The following WDR89 variants were observed in gnomAD, a reference collection of about 807,000 sequenced individuals.
WDR89 encodes the protein WD repeat-containing protein 89.
WDR89 carries 17 observed loss-of-function variants against 29.1 expected under a neutral mutation model. The observed-to-expected ratio is 0.58, with a 90% confidence interval of 0.40 to 0.88. WDR89 has a LOEUF of 0.88. Ranked by LOEUF, WDR89 falls within the 40% of genes least tolerant of loss-of-function variation. The pLI is 0.00. For synonymous variants in WDR89, 138 were observed against 157.8 expected (o/e 0.87, Z 0.94); for missense variants, 396 against 456.3 (o/e 0.87, Z 1.20).
intron 1 of WDR89, among the ~76,000 whole-genome samples, chr14:63,635,975 G>A (rs1883708054): frequency 6.6e-6 from 1 of 152,178 alleles, no homozygotes; most frequent in Non-Finnish European, 1.5e-5. Context: ...GGAAGGCCGG[G>A]GCAGGTGGAT....
intron 1 of WDR89, among the ~76,000 whole-genome samples, chr14:63,625,312 A>T (rs942904358): frequency 1.3e-5 from 2 of 152,196 alleles, no homozygotes; most frequent in East Asian, 3.8e-4. Context: ...TTGATTATTA[A>T]GGGGCACAAG....
At chr14:63,616,545 T>C (rs954011651) in intron 2 of WDR89, among the ~76,000 whole-genome samples, 3 of 152,106 alleles carry the variant, frequency 2.0e-5, no homozygotes, top group South Asian at 2.1e-4. Flanking sequence ...GAGGTGACAT[T>C]TGAGCTGAGA....
intron 1 of WDR89, chr14:63,630,537 G>A (rs1159636740): frequency 6.6e-6 from 1 of 151,906 alleles, no homozygotes; most frequent in Non-Finnish European, 1.5e-5. Flanking sequence ...CAACTACTCG[G>A]GACGCTGAGG....
At position 63,598,833 on chromosome 14, in the gene WDR89, GTGCACAGAGGA is replaced by G; in HGVS notation, c.1099_1109del (p.Ser367ProfsTer7). The G allele has an allele frequency of 6.2e-7, 1 of 1,613,274 alleles. No homozygotes were observed. Among genetic ancestry groups the G allele is most frequent in the Non-Finnish European group, 8.5e-7 (1 of 1,179,710 alleles). On this transcript the variant is annotated frameshift_variant, in exon 3 of 3. Coordinates refer to ENST00000620954, the MANE Select transcript of WDR89 (RefSeq NM_080666.4). LOFTEE classifies it high-confidence loss of function. ...CATTACTATGAACTCGTACTCGTTG[GTGCACAGAGGA>G]TGCTATTTTCATACTCTCTTTCTTT...
intron 1 of WDR89, among the ~76,000 whole-genome samples, chr14:63,634,190 C>T (rs963823493): frequency 1.3e-5 from 2 of 152,090 alleles, no homozygotes; most frequent in Non-Finnish European, 2.9e-5. Flanking sequence ...AGTTCGAGAC[C>T]AGCTTGGCCA....
rs58161137 is a variant in WDR89 at position 63,602,462 on chromosome 14, CAAAA to C, written c.-31-2493_-31-2490del. Among the ~76,000 whole-genome samples the C allele has an allele frequency of 3.1e-3, 111 of 35,624 alleles. 1 individual carries two copies. The East Asian group carries it at 0.062, about 20-fold the overall frequency. The allele number at this position is 35,624 out of a possible 152,430, so 23.4% of individuals were successfully genotyped here. A position where few individuals can be genotyped will look rare whatever the true frequency, so the allele number is the denominator to read the frequency against. ...TGAACAACAGAGTGAGATTCCTACTCAAAAAAAAAAAAAAAAAAAAAAAAAGATG... is the reference window on the plus strand; with the variant it reads ...TGAACAACAGAGTGAGATTCCTACTCAAAAAAAAAAAAAAAAAAAAAGATG... On this transcript the variant is annotated intron_variant, in intron 2 of 2. Coordinates refer to ENST00000620954, the MANE Select transcript of WDR89 (RefSeq NM_080666.4).
Position 63,599,434 on chromosome 14 carries a change from C to A in WDR89, c.509G>T (p.Ser170Ile), listed in dbSNP as rs768735877. The change falls in exon 3 of 3, where the codon AGT becomes ATT. Residue 170 changes from serine (S) to isoleucine (I), a missense_variant. Coordinates refer to ENST00000620954, the MANE Select transcript of WDR89 (RefSeq NM_080666.4). The stretch of plus-strand genomic sequence containing the variant: ...GAAACGTACTTGAGTGACATCATCA[C>A]TATGTGTCTCTGAATATGCACCAAG... Reference protein sequence around the residue: ...DSLGAYSETHSDDVTQVRFHP... With the variant: ...DSLGAYSETHIDDVTQVRFHP... 57 of 1,614,058 alleles carry A rather than the reference C, an allele frequency of 3.5e-5. No individual in the cohort carries two copies. The highest frequency in any genetic ancestry group is 4.7e-5 in the Non-Finnish European group (55 of 1,180,028).
chr14:63,622,766 C>T (rs1004630964), intron 2 of WDR89, among the ~76,000 whole-genome samples: 1 of 152,010 alleles, frequency 6.6e-6, no homozygotes, highest in African/African-American at 2.4e-5. Context: ...GACTCCATCT[C>T]TAAATAAATA....
chr14:63,633,513 C>T (rs1045191028), intron 1 of WDR89, among the ~76,000 whole-genome samples: 1 of 152,122 alleles, frequency 6.6e-6, no homozygotes, highest in Non-Finnish European at 1.5e-5. Flanking sequence ...CAGCTACAGA[C>T]TTTGTTTTGC....
chr14:63,605,282 A>G (rs752328440), intron 2 of WDR89, among the ~76,000 whole-genome samples: 1 of 151,730 alleles, frequency 6.6e-6, no homozygotes, highest in Non-Finnish European at 1.5e-5. Context: ...TGGTCCCTGC[A>G]AATTCATGGC....
At position 63,599,676 on chromosome 14, in the gene WDR89, A is replaced by AT. The variant is rs1322810511; in HGVS notation, c.266_267insA (p.Cys89Ter). 1 of 1,602,684 alleles carries AT rather than the reference A, an allele frequency of 6.2e-7. No homozygotes were observed. Among genetic ancestry groups the AT allele is most frequent in the Non-Finnish European group, 8.5e-7 (1 of 1,175,320 alleles). The change falls in exon 3 of 3, where the codon TGT becomes TGAT. Residue 89 changes from cysteine (C) to a stop codon, truncating the protein, a stop_gained and frameshift_variant. Coordinates refer to ENST00000620954, the MANE Select transcript of WDR89 (RefSeq NM_080666.4). LOFTEE classifies it high-confidence loss of function. ...CCCAGCATTTCACAGTGCCATCAGT[A>AT]CATGCTGAATATACACTGTCACAGG... is the stretch of plus-strand genomic sequence containing the variant. ...ANSCDSVYSA[C>*]TDGTVKCWDA...
chr14:63,630,745 G>A (rs771204717), intron 1 of WDR89: 2 of 151,368 alleles, frequency 1.3e-5, no homozygotes, highest in Admixed American at 6.6e-5. Context: ...CCTTGCACAC[G>A]GATGACATGA....
chr14:63,635,216 G>A (rs1481580080), intron 1 of WDR89, among the ~76,000 whole-genome samples: 1 of 152,074 alleles, frequency 6.6e-6, no homozygotes, highest in African/African-American at 2.4e-5. Flanking sequence ...GAACATAAAT[G>A]CTAAGATCCT....
intron 2 of WDR89, among the ~76,000 whole-genome samples, chr14:63,618,622 T>C (rs749868889): frequency 2.6e-5 from 4 of 151,854 alleles, no homozygotes; most frequent in African/African-American, 7.3e-5. Context: ...AATCAGAGGA[T>C]TGATCAATCA....
At chr14:63,628,739 C>T (rs185775027) in intron 1 of WDR89, among the ~76,000 whole-genome samples, 1 of 152,236 alleles carries the variant, frequency 6.6e-6, no homozygotes, top group East Asian at 1.9e-4. Context: ...CAAGGCAGGA[C>T]TGCCTCAGCC....
chr14:63,639,257 T>C (rs1176997362), intron 1 of WDR89, among the ~76,000 whole-genome samples: 2 of 151,410 alleles, frequency 1.3e-5, no homozygotes, highest in Non-Finnish European at 2.9e-5. Context: ...TGGTGGCTCA[T>C]GCCAGTAATG....
chr14:63,633,352 T>C (rs1230884923), intron 1 of WDR89, among the ~76,000 whole-genome samples: 1 of 152,104 alleles, frequency 6.6e-6, no homozygotes, highest in Non-Finnish European at 1.5e-5. Context: ...AAAGACACTT[T>C]AACATATTAA....
At chr14:63,630,950 A>G (rs578261124) in intron 1 of WDR89, among the ~76,000 whole-genome samples, 6 of 152,154 alleles carry the variant, frequency 3.9e-5, no homozygotes, top group East Asian at 1.9e-4. Flanking sequence ...TAATTTTTTA[A>G]TATTTTTTTT....
intron 2 of WDR89, among the ~76,000 whole-genome samples, chr14:63,614,431 C>T (rs1272109921): frequency 6.6e-6 from 1 of 151,860 alleles, no homozygotes; most frequent in African/African-American, 2.4e-5. Flanking sequence ...CCTACCTCAG[C>T]CTCCCAAGCA....
Sources: allele counts gnomAD v4.1 joint callset (sites outside exome capture counted in the v4.1 genomes callset), GRCh38; gene constraint gnomAD v4.1.1; transcripts MANE v1.5; gene names NCBI Gene and HGNC (gene_info 2026-07-23, HGNC 2026-07-21).